UBE2W: variants seen among roughly 807,000 people sequenced by gnomAD.
UBE2W encodes ubiquitin conjugating enzyme E2 W, also known as ubiquitin-conjugating enzyme E2 W.
In UBE2W, 18 loss-of-function variants were observed where a neutral mutation model predicts 27.2. The ratio of observed to expected loss-of-function variants is 0.66; its 90% CI spans 0.46 to 0.98. The LOEUF is 0.98. Ranked by LOEUF, UBE2W falls within the 50% of genes least tolerant of loss-of-function variation. The pLI is 0.00. For missense variants in UBE2W, 90 were observed against 180.2 expected, an observed-to-expected ratio of 0.50 and a Z score of 2.87; for synonymous variants, 53 against 57.2, an observed-to-expected ratio of 0.93 and a Z score of 0.33.
At chr8:73,829,072 C>CA (rs1809968306) in intron 2 of UBE2W, among the ~76,000 whole-genome samples, 1 of 152,074 alleles carries the variant, frequency 6.6e-6, no homozygotes, top group Non-Finnish European at 1.5e-5. Context: ...CTTGCCTGAC[C>CA]AATATCTCGA....
intron 1 of UBE2W, among the ~76,000 whole-genome samples, chr8:73,851,637 T>C (rs1811084017): frequency 6.6e-6 from 1 of 152,110 alleles, no homozygotes. Context: ...GCATATGTAC[T>C]GGAGAAGTTA....
chr8:73,809,032 C>T (rs1809036881), intron 4 of UBE2W, among the ~76,000 whole-genome samples: 1 of 152,062 alleles, frequency 6.6e-6, no homozygotes, highest in Admixed American at 6.6e-5. Context: ...CTGTTGTTAC[C>T]GTCTCACCTT....
chr8:73,867,739 G>A (rs1194713399), intron 1 of UBE2W, among the ~76,000 whole-genome samples: 1 of 150,538 alleles, frequency 6.6e-6, no homozygotes, highest in Admixed American at 6.6e-5. Flanking sequence ...AAATTATTGG[G>A]CAAAAAATTT....
chr8:73,872,901 C>T (rs59533287), intron 1 of UBE2W, among the ~76,000 whole-genome samples: 3,980 of 132,532 alleles, frequency 0.03, 181 homozygotes, highest in African/African-American at 0.099. Context: ...TTTTTTTTTC[C>T]TTTTTTTTTT....
chr8:73,867,003 CAAA>C (rs35890299), intron 1 of UBE2W, among the ~76,000 whole-genome samples: 2 of 120,984 alleles, frequency 1.7e-5, no homozygotes, highest in Admixed American at 8.3e-5. Flanking sequence ...GGCTCCGTCC[CAAA>C]AAAAAAAAAA....
chr8:73,831,096 T>A (rs1810046502), intron 1 of UBE2W: 3 of 299,780 alleles, frequency 1.0e-5, no homozygotes, highest in Admixed American at 1.0e-4. Flanking sequence ...GTATGCATTA[T>A]AATATTCTTT....
chr8:73,866,695 T>C (rs1283621831), intron 1 of UBE2W, among the ~76,000 whole-genome samples: 1 of 152,092 alleles, frequency 6.6e-6, no homozygotes, highest in Non-Finnish European at 1.5e-5. Context: ...ACATAAATTT[T>C]GCCAAAATTA....
rs1554579923 is a variant in UBE2W at position 73,805,454 on chromosome 8, C to CAAAAAAAAAAAAAAAACAGAAAAAA, written c.442+196_442+197insTTTTTTCTGTTTTTTTTTTTTTTTT. Among the ~76,000 whole-genome samples, 2 of 14,580 alleles carry CAAAAAAAAAAAAAAAACAGAAAAAA rather than the reference C, an allele frequency of 1.4e-4. 1 individual carries two copies. The highest frequency in any genetic ancestry group is 2.6e-4 in the Non-Finnish European group (2 of 7,760). 9.6% of individuals were successfully genotyped at this position (14,580 alleles called of 152,430 possible). A position where few individuals can be genotyped will look rare whatever the true frequency, so the allele number is the denominator to read the frequency against. On this transcript the variant is annotated intron_variant, in intron 5 of 5. Coordinates refer to ENST00000602593, the MANE Select transcript of UBE2W (RefSeq NM_018299.6). The stretch of plus-strand genomic sequence containing the variant: ...GGGCAACAAGAGCAAAACTCCATCT[C>CAAAAAAAAAAAAAAAACAGAAAAAA]AAAAAAAAAAAAAAAAACAAAAAAA...
chr8:73,830,598 ACCTCAG>A, intron 1 of UBE2W, 126 bp from the exon 2 acceptor site: 1 of 668,442 alleles, frequency 1.5e-6, no homozygotes, highest in Non-Finnish European at 2.6e-6. Context: ...GAATCCTCCC[ACCTCAG>A]CCTCCCAAGT....
At chr8:73,806,541 CAAAAAAA>C (rs58380487) in intron 4 of UBE2W, among the ~76,000 whole-genome samples, 1 of 68,500 alleles carries the variant, frequency 1.5e-5, no homozygotes, top group Non-Finnish European at 3.9e-5. Context: ...GCTAAAAATA[CAAAAAAA>C]AAAAAAAAAA....
chr8:73,823,447 A>C (rs146609604), intron 3 of UBE2W, among the ~76,000 whole-genome samples: 27 of 152,294 alleles, frequency 1.8e-4, no homozygotes, highest in African/African-American at 6.3e-4. Flanking sequence ...CCTAGTCAAA[A>C]GCTTTTGAAT....
At chr8:73,831,717 TAAA>T (rs535684891) in intron 1 of UBE2W, 4 of 148,886 alleles carry the variant, frequency 2.7e-5, no homozygotes, top group African/African-American at 1.0e-4. Context: ...CTTGGCTAAT[TAAA>T]AAAAAAAATT....
chr8:73,846,446 TAAAAATTTTTTAGATTTAA>T (rs1810803442), intron 1 of UBE2W, among the ~76,000 whole-genome samples: 1 of 152,126 alleles, frequency 6.6e-6, no homozygotes, highest in Admixed American at 6.5e-5. Context: ...GTTTCAGACT[TAAAAATTTTTTAGATTTAA>T]AAAAATTTTT....
intron 1 of UBE2W, among the ~76,000 whole-genome samples, chr8:73,832,207 AG>A (rs1468172570): frequency 7.2e-5 from 11 of 151,940 alleles, no homozygotes; most frequent in African/African-American, 2.2e-4. Context: ...AGGATAAGGT[AG>A]GAGGATCTTT....
In UBE2W at chr8:73,789,093, C is replaced by A. The variant is rs1316076780; in HGVS notation, c.*5009G>T. The stretch of plus-strand genomic sequence containing the variant: ...CAGGATCAAAGAACCCTAACTTCAA[C>A]TTTCAGGATAGAGAGCTAAGTTTCA... On this transcript the variant is annotated 3_prime_UTR_variant, in exon 6 of 6. Transcript: ENST00000602593. 7.1e-6 allele frequency: 7 copies of A among 984,996 alleles called. No homozygotes were observed. In the African/African-American group the frequency reaches 1.1e-4, roughly 15 times the overall value. 61.0% of individuals were successfully genotyped at this position (984,996 alleles called of 1,614,324 possible).
In UBE2W at chr8:73,792,177, C is replaced by CA. The variant is rs1259995927; in HGVS notation, c.*1924dup. On this transcript the variant is annotated 3_prime_UTR_variant, in exon 6 of 6. Coordinates refer to ENST00000602593, the MANE Select transcript of UBE2W (RefSeq NM_018299.6). ...AAGCAGTTTAAAACTATGAGTAATT[C>CA]AAAGACTTTCTGTCTTGGTTAAACA... 3.0e-6 allele frequency: 3 copies of CA among 985,378 alleles called. No individual in the cohort carries two copies. The African/African-American group carries it at 5.2e-5, about 17-fold the overall frequency. The allele number at this position is 985,378 out of a possible 1,614,324, so 61.0% of individuals were successfully genotyped here. A position where few individuals can be genotyped will look rare whatever the true frequency, so the allele number is the denominator to read the frequency against.
downstream of UBE2W, among the ~76,000 whole-genome samples, chr8:73,785,149 A>G (rs1481130099): frequency 6.6e-6 from 1 of 152,032 alleles, no homozygotes; most frequent in Non-Finnish European, 1.5e-5. Context: ...GGTCATGACA[A>G]TATTTTTATT....
rs1048493170 is a variant in UBE2W at position 73,791,907 on chromosome 8, A to G, written c.*2195T>C. ...TTAAAATATTGTCATAAAAAACTCA[A>G]TTGAGGCTATATATGACCTATTACT... On this transcript the variant is annotated 3_prime_UTR_variant, in exon 6 of 6. Transcript: ENST00000602593. 16 of 984,966 alleles carry G rather than the reference A, an allele frequency of 1.6e-5. No homozygotes were observed. Among genetic ancestry groups the G allele is most frequent in the Non-Finnish European group, 1.8e-5 (15 of 829,610 alleles). 61.0% of individuals were successfully genotyped at this position (984,966 alleles called of 1,614,324 possible).
chr8:73,869,550 G>C (rs1185767262), intron 1 of UBE2W, among the ~76,000 whole-genome samples: 1 of 152,214 alleles, frequency 6.6e-6, no homozygotes, highest in African/African-American at 2.4e-5. Flanking sequence ...AATTAGCTGG[G>C]TGTGGTGGCG....
Sources: gnomAD v4.1 joint callset for allele counts (sites outside exome capture counted in the v4.1 genomes callset) on GRCh38, gnomAD v4.1.1 for gene constraint, MANE v1.5 for transcripts, NCBI Gene and HGNC (gene_info 2026-07-23, HGNC 2026-07-21) for gene names.